OSBPL5: variants seen among roughly 807,000 people sequenced by gnomAD.
The protein encoded by OSBPL5 is oxysterol binding protein like 5, also known as oxysterol-binding protein-related protein 5.
Under a neutral mutation model 111.2 loss-of-function variants are expected in OSBPL5, and 71 were observed. The ratio of observed to expected loss-of-function variants is 0.64; its 90% CI spans 0.53 to 0.78. The LOEUF is 0.78. Ranked by LOEUF, OSBPL5 falls within the 30% of genes least tolerant of loss-of-function variation. The probability of loss-of-function intolerance (pLI) is 0.00; values close to 1 mark genes in which losing one functional copy is unlikely to be tolerated. For missense variants in OSBPL5, 1,210 were observed against 1,189.3 expected (o/e 1.02, Z -0.26); for synonymous variants, 549 against 513.9 (o/e 1.07, Z -0.93).
In OSBPL5 at chr11:3,103,863, GC is replaced by G. The variant is rs111899237; in HGVS notation, c.1244+329del. On this transcript the variant is annotated intron_variant, in intron 10 of 21. Coordinates refer to ENST00000263650, the MANE Select transcript of OSBPL5 (RefSeq NM_020896.4). ...CTGCAGCCCCTTTCCAGTCTGCGCA[GC>G]CCCCTTCCTGCCTCTGTAGCCCCAT... Among the ~76,000 whole-genome samples the G allele has an allele frequency of 7.0e-3, 296 of 42,064 alleles. 3 individuals carry two copies. The highest frequency in any genetic ancestry group is 0.011 in the Admixed American group (48 of 4,254). The allele number at this position is 42,064 out of a possible 152,430, so 27.6% of individuals were successfully genotyped here.
intron 1 of OSBPL5, among the ~76,000 whole-genome samples, chr11:3,131,598 T>TCCAC (rs1858843646): frequency 9.5e-6 from 1 of 105,478 alleles, no homozygotes; most frequent in Non-Finnish European, 2.1e-5. Flanking sequence ...CATTCATCCA[T>TCCAC]CCATCCACCC....
chr11:3,121,723 C>T lies in OSBPL5; in HGVS notation c.402+274G>A, dbSNP rs868463403. 1.3e-5 allele frequency: 6 copies of T among 479,546 alleles called. No individual in the cohort carries two copies. The highest frequency in any genetic ancestry group is 1.1e-4 in the East Asian group (3 of 26,644). The allele number at this position is 479,546 out of a possible 1,614,324, so 29.7% of individuals were successfully genotyped here. On this transcript the variant is annotated intron_variant, in intron 5 of 21. Transcript: ENST00000263650. The surrounding 1 kb of genome is among the most constrained non-coding windows in gnomAD (Gnocchi z 4.3). ...CCCACTGGCCAGGCCCCACCTTATT[C>T]GGAAATGGGGTCTTTGCAGACATAA...
At chr11:3,152,094 A>T (rs1460110144) in intron 1 of OSBPL5, among the ~76,000 whole-genome samples, 1 of 152,194 alleles carries the variant, frequency 6.6e-6, no homozygotes, top group Non-Finnish European at 1.5e-5. Context: ...GGACAAGAGT[A>T]TGGGTCTTTA....
At chr11:3,102,444 C>T (rs1462037106) in intron 11 of OSBPL5, among the ~76,000 whole-genome samples, 163 bp from the exon 12 acceptor site, 3 of 152,190 alleles carry the variant, frequency 2.0e-5, no homozygotes, top group Admixed American at 1.3e-4. Context: ...TTCTGCTTTG[C>T]GGGGACTATG....
rs147826009 is a variant in OSBPL5, at chr11:3,107,566, G to A, written c.867-111C>T. 105 of 1,396,990 alleles carry A rather than the reference G, an allele frequency of 7.5e-5. No homozygotes were observed. In the East Asian group the frequency reaches 1.8e-3, roughly 24 times the overall value. 86.5% of individuals were successfully genotyped at this position (1,396,990 alleles called of 1,614,324 possible). On this transcript the variant is annotated intron_variant, in intron 8 of 21. Transcript: ENST00000263650. The surrounding 1 kb of genome is among the most constrained non-coding windows in gnomAD (Gnocchi z 6.1). Reference sequence around the variant, plus strand: ...CACTTCACATACGTTCCTGCCTGTCGTCACCTCCACAACCCACATTTGACA... The same window carrying A: ...CACTTCACATACGTTCCTGCCTGTCATCACCTCCACAACCCACATTTGACA...
chr11:3,090,710 G>A lies in OSBPL5; in HGVS notation c.2260-14C>T, dbSNP rs769426149. ...TGGGCCAGACCTCTGCAGAGAAATG[G>A]AGCTGCTGCAGCTGAAAGCCACCCA... On this transcript the variant is annotated splice_polypyrimidine_tract_variant and intron_variant, in intron 19 of 21. Transcript: ENST00000263650. 2 of 1,604,890 alleles carry A rather than the reference G, an allele frequency of 1.2e-6. No individual in the cohort carries two copies. Among genetic ancestry groups the A allele is most frequent in the Admixed American group, 1.7e-5 (1 of 59,228 alleles).
At chr11:3,155,796 G>A (rs1229301193) in intron 1 of OSBPL5, among the ~76,000 whole-genome samples, 1 of 152,242 alleles carries the variant, frequency 6.6e-6, no homozygotes, top group Non-Finnish European at 1.5e-5. Flanking sequence ...GGCTTGGCTG[G>A]TATTCCCAAG....
In OSBPL5 at chr11:3,158,953, C is replaced by T. The variant is rs560682666; in HGVS notation, c.-22+6263G>A. On this transcript the variant is annotated intron_variant, in intron 1 of 21. Coordinates refer to ENST00000263650, the MANE Select transcript of OSBPL5 (RefSeq NM_020896.4). ...CTTAGCCCCGCAGGTGTGGGGGTTGCGGGCAAATGTCAGGGATGGGGGTGC... is the reference window on the plus strand; with the variant it reads ...CTTAGCCCCGCAGGTGTGGGGGTTGTGGGCAAATGTCAGGGATGGGGGTGC... 6.0e-4 allele frequency among the ~76,000 whole-genome samples: 92 copies of T among 152,162 alleles called. 1 individual carries two copies. The highest frequency in any genetic ancestry group is 3.2e-4 in the Non-Finnish European group (22 of 68,002).
At chr11:3,088,803 GAC>G (rs564317603) in intron 21 of OSBPL5, among the ~76,000 whole-genome samples, 26 of 152,270 alleles carry the variant, frequency 1.7e-4, no homozygotes, top group Admixed American at 9.8e-4. Flanking sequence ...AAGAGATGAA[GAC>G]ACAGACACAG....
rs1053543544 is a variant in OSBPL5 at position 3,102,220 on chromosome 11, G to A, written c.1388C>T (p.Pro463Leu). 28 of 1,609,134 alleles carry A rather than the reference G, an allele frequency of 1.7e-5. 1 individual carries two copies. Among genetic ancestry groups the A allele is most frequent in the East Asian group, 2.2e-5 (1 of 44,658 alleles). ...GETFRCCWFH[P>L]QTDSRTFYIA... ...GTAGAATGTGCGGCTGTCAGTCTGC[G>A]GGTGGAACCAGCAGCAGCGGAAGGT... Residue 463 changes from proline to leucine, a missense_variant, in exon 12 of 22, where the codon CCG becomes CTG. Coordinates refer to ENST00000263650, the MANE Select transcript of OSBPL5 (RefSeq NM_020896.4).
Position 3,120,615 on chromosome 11 carries a change from T to A in OSBPL5, c.412A>T (p.Thr138Ser). ...IMADSLKIRG[T>S]LKSWTKLWCV... ...CACAGCTTGGTCCAGCTCTTCAGGG[T>A]GCCGCGGATCTGCAGGGAGGATGCT... is the stretch of plus-strand genomic sequence containing the variant. Residue 138 changes from threonine (T) to serine (S), a missense_variant, in exon 6 of 22, where the codon ACC becomes TCC. Coordinates refer to ENST00000263650, the MANE Select transcript of OSBPL5 (RefSeq NM_020896.4). The A allele has an allele frequency of 3.1e-6, 5 of 1,612,688 alleles. No individual in the cohort carries two copies. The South Asian group carries it at 5.5e-5, about 18-fold the overall frequency.
At chr11:3,148,815 G>A (rs1846461660) in intron 1 of OSBPL5, among the ~76,000 whole-genome samples, 1 of 152,222 alleles carries the variant, frequency 6.6e-6, no homozygotes, top group African/African-American at 2.4e-5. Context: ...AGGCAAAGGT[G>A]ACAACCAGCT....
At chr11:3,133,444 G>A (rs141209320) in intron 1 of OSBPL5, among the ~76,000 whole-genome samples, 1 of 152,358 alleles carries the variant, frequency 6.6e-6, no homozygotes, top group Non-Finnish European at 1.5e-5. Context: ...GAAGCCCCGG[G>A]CCACGCTCCG....
chr11:3,097,073 G>GGGA (rs1564824790), intron 14 of OSBPL5, among the ~76,000 whole-genome samples: 1 of 12,572 alleles, frequency 8.0e-5, no homozygotes, highest in African/African-American at 2.1e-4. Context: ...GGGGGAAGAT[G>GGGA]GAAGGAGGAG....
At chr11:3,150,532 A>G (rs1207472790) in intron 1 of OSBPL5, among the ~76,000 whole-genome samples, 2 of 152,188 alleles carry the variant, frequency 1.3e-5, no homozygotes, top group Non-Finnish European at 2.9e-5. Flanking sequence ...GGGGCAAGAC[A>G]GGGGTCAGGA....
At chr11:3,098,488 T>G (rs1857348778) in intron 14 of OSBPL5, among the ~76,000 whole-genome samples, 1 of 139,972 alleles carries the variant, frequency 7.1e-6, no homozygotes. Context: ...TAAAAAGACA[T>G]GAAGGAATTT....
rs74587114 is a variant in OSBPL5, at chr11:3,101,558, G to A, written c.1522+45C>T. ...GGCTCCCGGAGTCCTCCCGACCATC[G>A]CATTTCCCTGAGGCCCCAGGGAGCG... On this transcript the variant is annotated intron_variant, in intron 13 of 21. Transcript: ENST00000263650. 4,362 of 1,547,170 alleles carry A rather than the reference G, an allele frequency of 2.8e-3. 118 individuals are homozygous for A. The African/African-American group carries it at 0.052, about 18-fold the overall frequency.
chr11:3,104,365 A>G lies in OSBPL5; in HGVS notation c.1072T>C (p.Ser358Pro), dbSNP rs548985610. The G allele has an allele frequency of 6.2e-7, 1 of 1,610,356 alleles. No individual in the cohort carries two copies. The highest frequency in any genetic ancestry group is 1.7e-5 in the Admixed American group (1 of 59,876). ...TCCTCTGACACTGTCTCCACCTGGG[A>G]CGCCTCGCCCAGCTGCAGCAGACAG... ...QEELGELGEASQVETVSEENK... is the reference protein window; with the variant it reads ...QEELGELGEAPQVETVSEENK... Residue 358 changes from serine (S) to proline (P), a missense_variant, in exon 10 of 22, where the codon TCC becomes CCC. By Grantham distance (74) the Ser-to-Pro change is moderately conservative (BLOSUM62 -1). Coordinates refer to ENST00000263650, the MANE Select transcript of OSBPL5 (RefSeq NM_020896.4). This position sits in a 1 kb window ranked among gnomAD's most constrained non-coding sequence, Gnocchi z 5.0.
Position 3,110,731 on chromosome 11 carries a change from A to G in OSBPL5, c.692-2786T>C, listed in dbSNP as rs1857896366. ...CTTTGGAGAAGCTCATCAGAAACTC[A>G]AAAAAATGCAACCATCTTTCTCTTA... On this transcript the variant is annotated intron_variant, in intron 7 of 21. Transcript: ENST00000263650. The surrounding 1 kb of genome is among the most constrained non-coding windows in gnomAD (Gnocchi z 5.3). Among the ~76,000 whole-genome samples the G allele has an allele frequency of 1.3e-5, 2 of 152,140 alleles. No homozygotes were observed. The highest frequency in any genetic ancestry group is 6.6e-5 in the Admixed American group (1 of 15,266).
Sources: allele counts gnomAD v4.1 joint callset (sites outside exome capture counted in the v4.1 genomes callset), GRCh38; gene constraint gnomAD v4.1.1; non-coding constraint Gnocchi (gnomAD v3.1); transcripts MANE v1.5; gene names NCBI Gene and HGNC (gene_info 2026-07-23, HGNC 2026-07-21).